Variants in TSEN34 observed in about 807,000 individuals in gnomAD.
TSEN34 encodes the protein tRNA-splicing endonuclease subunit Sen34.
A neutral mutation model predicts 30.2 loss-of-function variants in TSEN34; 25 were observed. The ratio of observed to expected loss-of-function variants is 0.83; its 90% CI spans 0.60 to 1.16. The LOEUF (loss-of-function observed/expected upper bound fraction) is 1.16, where lower values mean the gene tolerates loss of function less well. TSEN34 is among the 50% of genes most tolerant of loss of function. TSEN34 has a pLI of 0.00. For synonymous variants in TSEN34, 209 were observed against 177.4 expected (o/e 1.18, Z -1.41); for missense variants, 475 against 411.9 (o/e 1.15, Z -1.33).
upstream of TSEN34, chr19:54,190,755 C>T (rs1460310526): frequency 3.4e-6 from 4 of 1,175,442 alleles, no homozygotes; most frequent in East Asian, 4.1e-5. Flanking sequence ...CGCCGAACTT[C>T]CTGTGCTCGG....
chr19:54,193,022 C>CAAAAAAAAAAA (rs2076764754), intron 3 of TSEN34, among the ~76,000 whole-genome samples, 153 bp from the exon 4 acceptor site: 1 of 78,814 alleles, frequency 1.3e-5, no homozygotes, highest in Non-Finnish European at 2.5e-5. Flanking sequence ...AAAAAAAAAG[C>CAAAAAAAAAAA]CTAGAAGTGG....
chr19:54,190,840 G>C, upstream of TSEN34: 2 of 1,056,602 alleles, frequency 1.9e-6, no homozygotes, highest in East Asian at 7.3e-5. Flanking sequence ...CGTTCGGAAA[G>C]AGGAGGAGCG....
rs751678694 is a variant in TSEN34, at chr19:54,192,289, T to C, written c.661T>C (p.Tyr221His). Reference sequence around the variant, plus strand: ...CGGCCGCCCTGCCCACGAGCTGCGCTACAGTATCTACAGAGACCTGTGGGA... The same window carrying C: ...CGGCCGCCCTGCCCACGAGCTGCGCCACAGTATCTACAGAGACCTGTGGGA... ...HAGRPAHELR[Y>H]SIYRDLWERG... is the part of the protein sequence containing the mutation. The change falls in exon 3 of 4, where the codon TAC (tyrosine) becomes CAC (histidine). Residue 221 changes from tyrosine to histidine, a missense_variant. Tyr to His is a moderately conservative substitution (Grantham distance 83). Coordinates refer to ENST00000396388, the MANE Select transcript of TSEN34 (RefSeq NM_001077446.4). 4 of 1,614,014 alleles carry C rather than the reference T, an allele frequency of 2.5e-6. No individual in the cohort carries two copies. In the East Asian group the frequency reaches 6.7e-5, roughly 27 times the overall value.
intron 3 of TSEN34, 99 bp downstream of exon 3, chr19:54,192,472 G>C: frequency 6.6e-7 from 1 of 1,516,944 alleles, no homozygotes; most frequent in Non-Finnish European, 9.0e-7. Context: ...AATAGAGGTG[G>C]GGTCTCTTGT....
chr19:54,191,806 A>G lies in TSEN34; in HGVS notation c.329A>G (p.Gln110Arg). Residue 110 changes from glutamine (Q) to arginine (R), a missense_variant, in exon 2 of 4, where the codon CAG (glutamine) becomes CGG (arginine). Gln to Arg is a conservative substitution (Grantham distance 43). Transcript: ENST00000396388. ...LAAEARETRR[Q>R]ELLEKITEGQ... Reference sequence around the variant, plus strand: ...GCTGAGGCCCGGGAGACCCGTCGTCAGGAGCTCCTGGAGAAGATTACGGAG... The same window carrying G: ...GCTGAGGCCCGGGAGACCCGTCGTCGGGAGCTCCTGGAGAAGATTACGGAG... The G allele has an allele frequency of 6.2e-7, 1 of 1,614,204 alleles. No homozygotes were observed. The highest frequency in any genetic ancestry group is 8.5e-7 in the Non-Finnish European group (1 of 1,180,024).
At chr19:54,190,110 C>G, upstream of TSEN34, 1 of 548,166 alleles carries the variant, frequency 1.8e-6, no homozygotes, top group Non-Finnish European at 3.2e-6. Context: ...GGGACCGGGC[C>G]AGGATGACGA....
upstream of TSEN34, chr19:54,190,364 T>C: frequency 6.6e-7 from 1 of 1,519,038 alleles, no homozygotes; most frequent in South Asian, 1.2e-5. Flanking sequence ...CGAATTACTG[T>C]TTATGAGGTG....
intron 3 of TSEN34, 70 bp downstream of exon 3, chr19:54,192,443 T>TC: frequency 4.0e-6 from 1 of 248,034 alleles, no homozygotes; most frequent in African/African-American, 1.6e-4. Flanking sequence ...GCGTTTTTCT[T>TC]TTTTTTTTTT....
At chr19:54,190,888 G>A (rs865940518), upstream of TSEN34, 2 of 1,045,046 alleles carry the variant, frequency 1.9e-6, no homozygotes, top group Middle Eastern at 4.5e-4. Context: ...GGCCTCGGCG[G>A]TGCCTTAGCC....
upstream of TSEN34, chr19:54,191,218 G>T (rs1035783359): frequency 3.9e-5 from 56 of 1,425,544 alleles, no homozygotes; most frequent in Middle Eastern, 5.2e-4. Context: ...GGCCCAGCAG[G>T]TGGTGAACGG....
chr19:54,189,889 C>G (rs2076591742), upstream of TSEN34: 1 of 215,930 alleles, frequency 4.6e-6, no homozygotes, highest in Non-Finnish European at 9.5e-6. Flanking sequence ...CTTAGGGTCA[C>G]TGTTCCGATG....
At chr19:54,190,350 A>C, upstream of TSEN34, 2 of 1,527,742 alleles carry the variant, frequency 1.3e-6, no homozygotes, top group African/African-American at 1.4e-5. Flanking sequence ...CTCCACCTCG[A>C]CTGCGAATTA....
upstream of TSEN34, chr19:54,190,192 C>T (rs1033245234): frequency 6.5e-6 from 4 of 612,222 alleles, no homozygotes; most frequent in Non-Finnish European, 1.1e-5. Context: ...GCCAAGGTGG[C>T]CCCCGCGGGA....
upstream of TSEN34, chr19:54,189,513 G>A (rs75276779): frequency 0.035 from 5,325 of 152,716 alleles, 294 homozygotes; most frequent in African/African-American, 0.12. Flanking sequence ...CGGGCGGGCA[G>A]GGAAGAAGCC....
At position 54,191,427 on chromosome 19, in the gene TSEN34, C is replaced by T. The variant is rs1349187301; in HGVS notation, c.63C>T (p.Ala21=). 6 of 1,548,208 alleles carry T rather than the reference C, an allele frequency of 3.9e-6. No individual in the cohort carries two copies. The East Asian group carries it at 9.8e-5, about 25-fold the overall frequency. The change falls in exon 1 of 4, where the codon GCC becomes GCT. Residue 21 remains alanine (A), a synonymous_variant. Coordinates refer to ENST00000396388, the MANE Select transcript of TSEN34 (RefSeq NM_001077446.4). The stretch of plus-strand genomic sequence containing the variant: ...TGTGGGGAGCCGAGGCGGTGCAGGC[C>T]CTCCGGGAGCGCCTGGGTGTGGGGG... ...SLVWGAEAVQ[A]LRERLGVGGR...
Position 54,191,408 on chromosome 19 carries a change from G to C in TSEN34, c.44G>C (p.Gly15Ala). ...EVANGRSLVW[G>A]AEAVQALRER... ...GCGAACGGCCGCTCCCTGGTGTGGG[G>C]AGCCGAGGCGGTGCAGGCCCTCCGG... The change falls in exon 1 of 4, where the codon GGA becomes GCA. Residue 15 changes from glycine to alanine, a missense_variant. Coordinates refer to ENST00000396388, the MANE Select transcript of TSEN34 (RefSeq NM_001077446.4). 1 of 1,549,290 alleles carries C rather than the reference G, an allele frequency of 6.5e-7. No homozygotes were observed. The highest frequency in any genetic ancestry group is 8.7e-7 in the Non-Finnish European group (1 of 1,146,932).
chr19:54,192,110 C>T lies in TSEN34; in HGVS notation c.488-6C>T, dbSNP rs755989654. ...TTACCAAACTCTTCTCTGTACTCCC[C>T]ACCAGGCCCCTCGTCTTCCCAAGCA... On this transcript the variant is annotated splice_region_variant and splice_polypyrimidine_tract_variant and intron_variant, in intron 2 of 3. Coordinates refer to ENST00000396388, the MANE Select transcript of TSEN34 (RefSeq NM_001077446.4). 1.9e-6 allele frequency: 3 copies of T among 1,614,192 alleles called. No homozygotes were observed. The highest frequency in any genetic ancestry group is 1.7e-6 in the Non-Finnish European group (2 of 1,180,026).
In TSEN34 at chr19:54,193,592, G is replaced by C; in HGVS notation, c.*230G>C. 2 of 1,460,432 alleles carry C rather than the reference G, an allele frequency of 1.4e-6. No homozygotes were observed. Among genetic ancestry groups the C allele is most frequent in the Non-Finnish European group, 1.9e-6 (2 of 1,078,138 alleles). 90.5% of individuals were successfully genotyped at this position (1,460,432 alleles called of 1,614,324 possible). A position where few individuals can be genotyped will look rare whatever the true frequency, so the allele number is the denominator to read the frequency against. ...ACACTGTGAGCTTCCCGAGAATGGGGCCTGGGTTTGATTCATCTGTTTTCT... is the reference window on the plus strand; with the variant it reads ...ACACTGTGAGCTTCCCGAGAATGGGCCCTGGGTTTGATTCATCTGTTTTCT... On this transcript the variant is annotated 3_prime_UTR_variant, in exon 4 of 4. Coordinates refer to ENST00000396388, the MANE Select transcript of TSEN34 (RefSeq NM_001077446.4).
chr19:54,192,993 G>A (rs562596981), intron 3 of TSEN34, among the ~76,000 whole-genome samples, 182 bp from the exon 4 acceptor site: 1 of 116,224 alleles, frequency 8.6e-6, no homozygotes, highest in South Asian at 2.6e-4. Context: ...GGACAAGAGC[G>A]AGACTTTGTC....
Sources: allele counts gnomAD v4.1 joint callset (sites outside exome capture counted in the v4.1 genomes callset), GRCh38; gene constraint gnomAD v4.1.1; transcripts MANE v1.5; gene names NCBI Gene and HGNC (gene_info 2026-07-23, HGNC 2026-07-21).